Variants in RXRA observed in about 807,000 individuals in gnomAD.
RXRA encodes retinoic acid receptor RXR-alpha.
In RXRA, 5 loss-of-function variants were observed where a neutral mutation model predicts 44.5. The ratio of observed to expected loss-of-function variants is 0.11; its 90% CI spans 0.06 to 0.24. RXRA has a LOEUF of 0.24. Ranked by LOEUF, RXRA falls within the 10% of genes least tolerant of loss-of-function variation. The probability of loss-of-function intolerance (pLI) is 1.00; values close to 1 mark genes in which losing one functional copy is unlikely to be tolerated. For missense variants in RXRA, 412 were observed against 646.5 expected (o/e 0.64, Z 3.93); for synonymous variants, 291 against 271.4 (o/e 1.07, Z -0.71).
chr9:134,400,194 C>G (rs889448099), intron 1 of RXRA, among the ~76,000 whole-genome samples: 1 of 152,194 alleles, frequency 6.6e-6, no homozygotes, highest in Non-Finnish European at 1.5e-5. Flanking sequence ...AGGCAGATGC[C>G]CATGAGAGGC....
chr9:134,422,522 TC>T, intron 6 of RXRA: 2 of 1,057,634 alleles, frequency 1.9e-6, no homozygotes, highest in Non-Finnish European at 2.3e-6. Flanking sequence ...CCCGGGACAC[TC>T]CCCCCTTCCG....
At chr9:134,329,022 G>A (rs1457161044) in intron 1 of RXRA, among the ~76,000 whole-genome samples, 1 of 152,248 alleles carries the variant, frequency 6.6e-6, no homozygotes, top group African/African-American at 2.4e-5. Context: ...GCGCTCCCAC[G>A]CCTGCCGGGG....
At chr9:134,341,977 T>C (rs1830091633) in intron 1 of RXRA, among the ~76,000 whole-genome samples, 1 of 152,134 alleles carries the variant, frequency 6.6e-6, no homozygotes, top group Admixed American at 6.5e-5. Flanking sequence ...TCCGCTGTGC[T>C]CCAGGGTCTG....
At chr9:134,331,906 A>G (rs1164149834) in intron 1 of RXRA, among the ~76,000 whole-genome samples, 1 of 152,194 alleles carries the variant, frequency 6.6e-6, no homozygotes, top group East Asian at 1.9e-4. Context: ...CTCACCGACC[A>G]GGCTGGGTCT....
intron 4 of RXRA, among the ~76,000 whole-genome samples, chr9:134,416,435 C>T (rs1029269969): frequency 1.3e-5 from 2 of 152,148 alleles, no homozygotes; most frequent in African/African-American, 2.4e-5. Context: ...TGGTTCCCCC[C>T]GAGTGGCTGC....
intron 1 of RXRA, among the ~76,000 whole-genome samples, chr9:134,382,744 C>T (rs1830664699): frequency 6.6e-6 from 1 of 152,136 alleles, no homozygotes; most frequent in Non-Finnish European, 1.5e-5. Flanking sequence ...CTGGGAGGCC[C>T]TGGTCTGTGG....
intron 2 of RXRA, chr9:134,406,505 G>A (rs1328627566): frequency 1.3e-5 from 2 of 152,084 alleles, no homozygotes; most frequent in South Asian, 2.1e-4. Flanking sequence ...AATGTCACAC[G>A]AGAACGTAGG....
In RXRA at chr9:134,342,962, A is replaced by G. The variant is rs1830104398; in HGVS notation, c.28+16303A>G. ...GATTGTCTGGTAATCCTTTGATTAG[A>G]GGCCAGGAAACCCAATCCCGCAGCC... is the stretch of plus-strand genomic sequence containing the variant. On this transcript the variant is annotated intron_variant, in intron 1 of 9. Coordinates refer to ENST00000481739, the MANE Select transcript of RXRA (RefSeq NM_002957.6). This position sits in a 1 kb window ranked among gnomAD's most constrained non-coding sequence, Gnocchi z 4.4. 6.6e-6 allele frequency among the ~76,000 whole-genome samples: 1 copy of G among 152,126 alleles called. No homozygotes were observed.
chr9:134,426,550 C>A lies in RXRA; in HGVS notation c.911-2558C>A. 3.0e-6 allele frequency: 3 copies of A among 985,456 alleles called. No individual in the cohort carries two copies. The highest frequency in any genetic ancestry group is 3.6e-6 in the Non-Finnish European group (3 of 829,936). 61.0% of individuals were successfully genotyped at this position (985,456 alleles called of 1,614,324 possible). A position where few individuals can be genotyped will look rare whatever the true frequency, so the allele number is the denominator to read the frequency against. ...ACTGTTCTGTCCGTGTGTCTGGGCT[C>A]CTGACCTGTATCCCGTGCTGAGGGC... On this transcript the variant is annotated intron_variant, in intron 6 of 9. Coordinates refer to ENST00000481739, the MANE Select transcript of RXRA (RefSeq NM_002957.6). This position sits in a 1 kb window ranked among gnomAD's most constrained non-coding sequence, Gnocchi z 4.6.
At chr9:134,329,090 C>A (rs1158909731) in intron 1 of RXRA, among the ~76,000 whole-genome samples, 2 of 152,372 alleles carry the variant, frequency 1.3e-5, no homozygotes, top group Non-Finnish European at 2.9e-5. Context: ...TCCACAGAGT[C>A]CAAAGGTCTC....
intron 7 of RXRA, among the ~76,000 whole-genome samples, chr9:134,430,219 G>A (rs977444278): frequency 6.6e-6 from 1 of 152,230 alleles, no homozygotes; most frequent in Non-Finnish European, 1.5e-5. Context: ...AGTCTAGAGA[G>A]CCACACACAC....
chr9:134,406,743 T>C (rs1330899986), intron 2 of RXRA, among the ~76,000 whole-genome samples: 3 of 152,218 alleles, frequency 2.0e-5, no homozygotes, highest in Non-Finnish European at 4.4e-5. Flanking sequence ...ATGTGTGACC[T>C]TGGCCAGCCC....
chr9:134,347,319 A>G (rs1554748938), intron 1 of RXRA, among the ~76,000 whole-genome samples: 1 of 152,214 alleles, frequency 6.6e-6, no homozygotes, highest in African/African-American at 2.4e-5. Context: ...TGCTGGGCAG[A>G]TGACGCGCCC....
chr9:134,379,517 C>T, intron 1 of RXRA: 3 of 986,296 alleles, frequency 3.0e-6, no homozygotes, highest in Non-Finnish European at 3.6e-6. Context: ...CTGTGGCAGG[C>T]ACTGCCAGTG....
chr9:134,425,482 A>T, intron 6 of RXRA: 1 of 978,530 alleles, frequency 1.0e-6, no homozygotes, highest in Non-Finnish European at 1.2e-6. Flanking sequence ...AGGCCGTGTT[A>T]GCTGCTCCAG....
At chr9:134,345,422 G>C (rs1233354424) in intron 1 of RXRA, among the ~76,000 whole-genome samples, 1 of 152,202 alleles carries the variant, frequency 6.6e-6, no homozygotes, top group Non-Finnish European at 1.5e-5. Context: ...GCCCTACCCT[G>C]GCACTGGCAT....
chr9:134,357,933 G>A (rs931615116), intron 1 of RXRA, among the ~76,000 whole-genome samples: 25 of 148,778 alleles, frequency 1.7e-4, no homozygotes, highest in African/African-American at 6.5e-4. Context: ...CCACAGCAGA[G>A]GAGGAGGAGG....
rs115346603 is a variant in RXRA at position 134,399,395 on chromosome 9, A to G, written c.29-2237A>G. Among the ~76,000 whole-genome samples the G allele has an allele frequency of 2.6e-3, 403 of 152,330 alleles. 2 individuals carry two copies. Among genetic ancestry groups the G allele is most frequent in the African/African-American group, 9.0e-3 (376 of 41,570 alleles). Reference sequence around the variant, plus strand: ...TCCAAGAGTTGCAGGAATCAGTAACATCAGGTTATGCAGGTATTTCATAGA... The same window carrying G: ...TCCAAGAGTTGCAGGAATCAGTAACGTCAGGTTATGCAGGTATTTCATAGA... On this transcript the variant is annotated intron_variant, in intron 1 of 9. Coordinates refer to ENST00000481739, the MANE Select transcript of RXRA (RefSeq NM_002957.6).
rs926758094 is a variant in RXRA at position 134,426,819 on chromosome 9, C to G, written c.911-2289C>G. 2.0e-6 allele frequency: 2 copies of G among 985,238 alleles called. No individual in the cohort carries two copies. Among genetic ancestry groups the G allele is most frequent in the Non-Finnish European group, 2.4e-6 (2 of 829,922 alleles). 61.0% of individuals were successfully genotyped at this position (985,238 alleles called of 1,614,324 possible). On this transcript the variant is annotated intron_variant, in intron 6 of 9. Coordinates refer to ENST00000481739, the MANE Select transcript of RXRA (RefSeq NM_002957.6). This position sits in a 1 kb window ranked among gnomAD's most constrained non-coding sequence, Gnocchi z 4.6. ...GATGGTGGGTTTGGGGCCAGTTGTGCCCCAGCCCAGATCTTGTCCTCGGCC... is the reference window on the plus strand; with the variant it reads ...GATGGTGGGTTTGGGGCCAGTTGTGGCCCAGCCCAGATCTTGTCCTCGGCC...
Sources: allele counts gnomAD v4.1 joint callset (sites outside exome capture counted in the v4.1 genomes callset), GRCh38; gene constraint gnomAD v4.1.1; non-coding constraint Gnocchi (gnomAD v3.1); transcripts MANE v1.5; gene names NCBI Gene and HGNC (gene_info 2026-07-23, HGNC 2026-07-21).